The following PEX3 variants were observed in gnomAD, a reference collection of about 807,000 sequenced individuals.
PEX3 encodes peroxin-3.
A neutral mutation model predicts 55.8 loss-of-function variants in PEX3; 30 were observed. The observed-to-expected ratio is 0.54, with a 90% CI of 0.40 to 0.73. The LOEUF is 0.73. Among genes scored for constraint, PEX3 ranks in the 30% least tolerant of loss-of-function variants. The probability of loss-of-function intolerance (pLI) is 0.00; values close to 1 mark genes in which losing one functional copy is unlikely to be tolerated. For missense variants in PEX3, 351 were observed against 432.8 expected, an observed-to-expected ratio of 0.81 and a Z score of 1.68; for synonymous variants, 135 against 148.4, an observed-to-expected ratio of 0.91 and a Z score of 0.66.
chr6:143,451,217 G>A lies in PEX3; in HGVS notation c.73+102G>A. The A allele has an allele frequency of 4.6e-6, 4 of 861,552 alleles. No individual in the cohort carries two copies. Among genetic ancestry groups the A allele is most frequent in the South Asian group, 1.3e-5 (1 of 75,976 alleles). The allele number at this position is 861,552 out of a possible 1,614,324, so 53.4% of individuals were successfully genotyped here. ...GCCGGGCGATCCTAGTCTGGGATAT[G>A]TAGAGGGAGTTCGATCAACCATGGG... is the stretch of plus-strand genomic sequence containing the variant. On this transcript the variant is annotated intron_variant, in intron 1 of 11. Transcript: ENST00000367591. The surrounding 1 kb of genome is among the most constrained non-coding windows in gnomAD (Gnocchi z 4.1).
intron 9 of PEX3, among the ~76,000 whole-genome samples, chr6:143,477,126 G>T (rs1366427675): frequency 6.6e-6 from 1 of 152,170 alleles, no homozygotes; most frequent in Non-Finnish European, 1.5e-5. Flanking sequence ...AGAAGTTTCA[G>T]AGGAGCAGTG....
Position 143,462,883 on chromosome 6 carries a change from T to C in PEX3, c.206-33T>C. 6.8e-7 allele frequency: 1 copy of C among 1,478,038 alleles called. No individual in the cohort carries two copies. The allele number at this position is 1,478,038 out of a possible 1,614,324, so 91.6% of individuals were successfully genotyped here. A position where few individuals can be genotyped will look rare whatever the true frequency, so the allele number is the denominator to read the frequency against. ...TTAGTGAGGGCAGTCATATCACTTG[T>C]GACCTTTTTTATTTTTTTTGTTTGT... On this transcript the variant is annotated intron_variant, in intron 2 of 11. Transcript: ENST00000367591. This position sits in a 1 kb window ranked among gnomAD's most constrained non-coding sequence, Gnocchi z 4.1.
At position 143,463,802 on chromosome 6, in the gene PEX3, TATG is replaced by T. The variant is rs1263976073; in HGVS notation, c.287+806_287+808del. Among the ~76,000 whole-genome samples, 1 of 152,170 alleles carries T rather than the reference TATG, an allele frequency of 6.6e-6. No individual in the cohort carries two copies. The highest frequency in any genetic ancestry group is 2.4e-5 in the African/African-American group (1 of 41,446). The stretch of plus-strand genomic sequence containing the variant: ...GCCCTGGTGCTAGGTACCTTCCATA[TATG>T]CTCCCACTTAATTTACACAATATCC... On this transcript the variant is annotated intron_variant, in intron 3 of 11. Transcript: ENST00000367591. This position sits in a 1 kb window ranked among gnomAD's most constrained non-coding sequence, Gnocchi z 5.7.
rs17072661 is a variant in PEX3 at position 143,471,469 on chromosome 6, C to T, written c.523+20C>T. On this transcript the variant is annotated intron_variant, in intron 6 of 11. Coordinates refer to ENST00000367591, the MANE Select transcript of PEX3 (RefSeq NM_003630.3). This position sits in a 1 kb window ranked among gnomAD's most constrained non-coding sequence, Gnocchi z 5.4. ...GAGATGGTAAGATTCTTATTTGTGA[C>T]TTTTATACTAATTTTAATTCATTTA... 3.1e-3 allele frequency: 4,943 copies of T among 1,571,440 alleles called. 131 individuals carry two copies. In the African/African-American group the frequency reaches 0.059, roughly 19 times the overall value.
intron 10 of PEX3, among the ~76,000 whole-genome samples, chr6:143,480,060 A>G (rs1007233765): frequency 2.0e-5 from 3 of 152,148 alleles, no homozygotes; most frequent in Non-Finnish European, 4.4e-5. Context: ...GAAGTTACTT[A>G]CCAGATTCTC....
rs769013128 is a variant in PEX3 at position 143,450,809 on chromosome 6, A to AGCGGCGGCGGCTGC, written c.-225_-212dup. ...CGGACCTGGGCTTGTCGGACCAGTG[A>AGCGGCGGCGGCTGC]GCGGCGGCGGCTGCGCGGCGGCAGC... is the stretch of plus-strand genomic sequence containing the variant. On this transcript the variant is annotated 5_prime_UTR_variant, in exon 1 of 12. Transcript: ENST00000367591. 42 of 855,112 alleles carry AGCGGCGGCGGCTGC rather than the reference A, an allele frequency of 4.9e-5. No homozygotes were observed. The highest frequency in any genetic ancestry group is 6.6e-4 in the Middle Eastern group (2 of 3,044). 53.0% of individuals were successfully genotyped at this position (855,112 alleles called of 1,614,324 possible).
At position 143,451,142 on chromosome 6, in the gene PEX3, G is replaced by A. The variant is rs756619702; in HGVS notation, c.73+27G>A. 20 of 1,518,488 alleles carry A rather than the reference G, an allele frequency of 1.3e-5. No homozygotes were observed. The South Asian group carries it at 1.6e-4, about 12-fold the overall frequency. 94.1% of individuals were successfully genotyped at this position (1,518,488 alleles called of 1,614,324 possible). ...TGGGTGACAACGTGCTTGAAAGGGG[G>A]CATTGGGAGAAGGGGGTGGGAGAGG... On this transcript the variant is annotated intron_variant, in intron 1 of 11. Coordinates refer to ENST00000367591, the MANE Select transcript of PEX3 (RefSeq NM_003630.3). This position sits in a 1 kb window ranked among gnomAD's most constrained non-coding sequence, Gnocchi z 4.1.
rs1780366449 is a variant in PEX3, at chr6:143,490,057, A to G, written c.*831A>G. On this transcript the variant is annotated 3_prime_UTR_variant, in exon 12 of 12. Coordinates refer to ENST00000367591, the MANE Select transcript of PEX3 (RefSeq NM_003630.3). The surrounding 1 kb of genome is among the most constrained non-coding windows in gnomAD (Gnocchi z 6.0). ...TTTCAGCTATTAATTTACTTATCCC[A>G]TAGCATTTTTGTTATTATTTCGGAA... 1.3e-5 allele frequency: 2 copies of G among 152,156 alleles called. No homozygotes were observed. Among genetic ancestry groups the G allele is most frequent in the African/African-American group, 4.8e-5 (2 of 41,454 alleles). 9.4% of individuals were successfully genotyped at this position (152,156 alleles called of 1,614,324 possible). A position where few individuals can be genotyped will look rare whatever the true frequency, so the allele number is the denominator to read the frequency against.
intron 8 of PEX3, 103 bp downstream of exon 8, chr6:143,472,431 G>A: frequency 1.2e-6 from 1 of 808,108 alleles, no homozygotes; most frequent in Non-Finnish European, 2.1e-6. Context: ...GTAAGTGATT[G>A]AAAAGCATAT....
rs1779869974 is a variant in PEX3, at chr6:143,458,031, A to G, written c.74-1054A>G. Among the ~76,000 whole-genome samples, 1 of 152,206 alleles carries G rather than the reference A, an allele frequency of 6.6e-6. No homozygotes were observed. Among genetic ancestry groups the G allele is most frequent in the Admixed American group, 6.5e-5 (1 of 15,278 alleles). On this transcript the variant is annotated intron_variant, in intron 1 of 11. Coordinates refer to ENST00000367591, the MANE Select transcript of PEX3 (RefSeq NM_003630.3). This position sits in a 1 kb window ranked among gnomAD's most constrained non-coding sequence, Gnocchi z 6.1. ...TAGCTAGTCCAGTATCTTGAAAACC[A>G]TTAATCTATGAAAATCCATTCCTGA...
At chr6:143,478,495 C>T (rs1166138586) in intron 9 of PEX3, among the ~76,000 whole-genome samples, 1 of 152,036 alleles carries the variant, frequency 6.6e-6, no homozygotes, top group Non-Finnish European at 1.5e-5. Flanking sequence ...TACACATGCA[C>T]ACTGTAGTCA....
rs1001205951 is a variant in PEX3, at chr6:143,458,052, C to T, written c.74-1033C>T. On this transcript the variant is annotated intron_variant, in intron 1 of 11. Transcript: ENST00000367591. The surrounding 1 kb of genome is among the most constrained non-coding windows in gnomAD (Gnocchi z 6.1). The stretch of plus-strand genomic sequence containing the variant: ...AACCATTAATCTATGAAAATCCATT[C>T]CTGATAATCATTATGCTAATCAAAA... Among the ~76,000 whole-genome samples, 1 of 152,152 alleles carries T rather than the reference C, an allele frequency of 6.6e-6. No individual in the cohort carries two copies. The highest frequency in any genetic ancestry group is 2.4e-5 in the African/African-American group (1 of 41,434).
At chr6:143,467,403 T>C (rs1321851314) in intron 3 of PEX3, among the ~76,000 whole-genome samples, 1 of 152,124 alleles carries the variant, frequency 6.6e-6, no homozygotes, top group Middle Eastern at 3.2e-3. Flanking sequence ...ATTTATTAGC[T>C]TAGTTCACTG....
intron 10 of PEX3, among the ~76,000 whole-genome samples, chr6:143,481,673 A>G (rs1780243412): frequency 6.6e-6 from 1 of 152,198 alleles, no homozygotes. Context: ...AACAACATTT[A>G]TTATGGATAA....
Position 143,486,373 on chromosome 6 carries a change from T to C in PEX3, c.1038+1125T>C, listed in dbSNP as rs116509424. 1.2e-3 allele frequency among the ~76,000 whole-genome samples: 184 copies of C among 152,244 alleles called. 1 individual carries two copies. The highest frequency in any genetic ancestry group is 4.2e-3 in the African/African-American group (173 of 41,560). On this transcript the variant is annotated intron_variant, in intron 11 of 11. Transcript: ENST00000367591. The surrounding 1 kb of genome is among the most constrained non-coding windows in gnomAD (Gnocchi z 5.0). Reference sequence around the variant, plus strand: ...TTCATTTTGACAGATGAGTGGAAATTACAACCAAGCATAAAGCATCATCAG... The same window carrying C: ...TTCATTTTGACAGATGAGTGGAAATCACAACCAAGCATAAAGCATCATCAG...
In PEX3 at chr6:143,486,214, A is replaced by T. The variant is rs1780321485; in HGVS notation, c.1038+966A>T. On this transcript the variant is annotated intron_variant, in intron 11 of 11. Transcript: ENST00000367591. This position sits in a 1 kb window ranked among gnomAD's most constrained non-coding sequence, Gnocchi z 5.0. ...TATTGCAGAAGAAATAGTGAATAAG[A>T]CTGATCTCATTTTACTGAATGTTAA... Among the ~76,000 whole-genome samples, 1 of 152,120 alleles carries T rather than the reference A, an allele frequency of 6.6e-6. No homozygotes were observed. Among genetic ancestry groups the T allele is most frequent in the South Asian group, 2.1e-4 (1 of 4,832 alleles).
chr6:143,461,714 A>G (rs1201831152), intron 2 of PEX3, among the ~76,000 whole-genome samples: 1 of 152,126 alleles, frequency 6.6e-6, no homozygotes, highest in Non-Finnish European at 1.5e-5. Context: ...TGGGAGGCAA[A>G]GGTGGGAGGA....
Position 143,471,882 on chromosome 6 carries a change from TA to T in PEX3, c.579-274del, listed in dbSNP as rs1380444131. ...GGGTCATGAGATAAAAGACCTACTT[TA>T]AAATCTGCCTCTGAGGCTTTTACCT... On this transcript the variant is annotated intron_variant, in intron 7 of 11. Transcript: ENST00000367591. This position sits in a 1 kb window ranked among gnomAD's most constrained non-coding sequence, Gnocchi z 5.4. Among the ~76,000 whole-genome samples the T allele has an allele frequency of 6.6e-6, 1 of 152,172 alleles. No individual in the cohort carries two copies. Among genetic ancestry groups the T allele is most frequent in the Admixed American group, 6.5e-5 (1 of 15,282 alleles).
rs140439455 is a variant in PEX3 at position 143,483,738 on chromosome 6, A to G, written c.942-1414A>G. Reference sequence around the variant, plus strand: ...AACAGGGACTGGGGCAGGACAGACAAATGGATGAATGAAGACTTATTAATC... The same window carrying G: ...AACAGGGACTGGGGCAGGACAGACAGATGGATGAATGAAGACTTATTAATC... On this transcript the variant is annotated intron_variant, in intron 10 of 11. Transcript: ENST00000367591. The surrounding 1 kb of genome is among the most constrained non-coding windows in gnomAD (Gnocchi z 4.3). Among the ~76,000 whole-genome samples, 1 of 152,252 alleles carries G rather than the reference A, an allele frequency of 6.6e-6. No homozygotes were observed. Among genetic ancestry groups the G allele is most frequent in the African/African-American group, 2.4e-5 (1 of 41,552 alleles).
Sources: allele counts gnomAD v4.1 joint callset (sites outside exome capture counted in the v4.1 genomes callset), GRCh38; gene constraint gnomAD v4.1.1; non-coding constraint Gnocchi (gnomAD v3.1); transcripts MANE v1.5; gene names NCBI Gene and HGNC (gene_info 2026-07-23, HGNC 2026-07-21).